Variants in PSD3 observed in about 807,000 individuals in gnomAD.
The protein encoded by PSD3 is pleckstrin and Sec7 domain containing 3.
In PSD3, 49 loss-of-function variants were observed where a neutral mutation model predicts 105.5. The observed-to-expected ratio is 0.46, with a 90% CI of 0.37 to 0.59. PSD3 has a LOEUF of 0.59. Ranked by LOEUF, PSD3 falls within the 20% of genes least tolerant of loss-of-function variation. The pLI is 0.00. For missense variants in PSD3, 1,561 were observed against 1,263.8 expected (o/e 1.24, Z -3.57); for synonymous variants, 557 against 457.8 (o/e 1.22, Z -2.77).
intron 1 of PSD3, among the ~76,000 whole-genome samples, chr8:19,081,118 C>T (rs1316625626): frequency 1.3e-5 from 2 of 152,228 alleles, no homozygotes; most frequent in East Asian, 3.9e-4. Context: ...AGGCTCTGGT[C>T]CCGGCCCATA....
chr8:19,057,248 T>C lies in PSD3; in HGVS notation c.324+26958A>G, dbSNP rs1586675942. On this transcript the variant is annotated intron_variant, in intron 1 of 1. Coordinates refer to the PSD3 transcript ENST00000521475. ...TGAACAAGAAATTTCTCTACTCTTG[T>C]TCATAACCACTCTCGTTCACTCCAA... Among the ~76,000 whole-genome samples, 4 of 152,180 alleles carry C rather than the reference T, an allele frequency of 2.6e-5. No individual in the cohort carries two copies. In the East Asian group the frequency reaches 5.8e-4, roughly 22 times the overall value.
chr8:18,802,455 C>G, intron 6 of PSD3: 1 of 257,408 alleles, frequency 3.9e-6, no homozygotes, highest in East Asian at 8.4e-5. Flanking sequence ...GAAAATTTTG[C>G]CTTCTTCCTT....
At chr8:18,847,885 A>G (rs1427659169) in intron 4 of PSD3, among the ~76,000 whole-genome samples, 1 of 152,226 alleles carries the variant, frequency 6.6e-6, no homozygotes, top group Non-Finnish European at 1.5e-5. Context: ...ATGGCTAGTG[A>G]GAATCAGCAA....
chr8:18,818,334 T>C (rs1812395601), intron 4 of PSD3, among the ~76,000 whole-genome samples: 1 of 151,902 alleles, frequency 6.6e-6, no homozygotes, highest in Non-Finnish European at 1.5e-5. Context: ...TCATTTATTA[T>C]ATTTTAAAGT....
At chr8:18,888,238 C>G (rs966111041) in intron 2 of PSD3, among the ~76,000 whole-genome samples, 3 of 152,160 alleles carry the variant, frequency 2.0e-5, no homozygotes, top group Admixed American at 2.0e-4. Flanking sequence ...AGAGACAGCA[C>G]CAGGGTAGTG....
At chr8:18,687,714 C>T (rs981393889) in intron 9 of PSD3, among the ~76,000 whole-genome samples, 11 of 152,078 alleles carry the variant, frequency 7.2e-5, no homozygotes, top group East Asian at 3.9e-4. Flanking sequence ...TGTGTGTGTG[C>T]GCTTGCCCAT....
At chr8:18,627,441 A>G (rs542884199) in intron 11 of PSD3, among the ~76,000 whole-genome samples, 1 of 152,170 alleles carries the variant, frequency 6.6e-6, no homozygotes, top group African/African-American at 2.4e-5. Flanking sequence ...AAGGCATGGG[A>G]AAAATAAAGT....
chr8:18,995,878 C>T (rs370662029), intron 1 of PSD3, among the ~76,000 whole-genome samples: 4 of 152,038 alleles, frequency 2.6e-5, no homozygotes, highest in South Asian at 2.1e-4. Flanking sequence ...TCCCATGACA[C>T]GTGGGGATTA....
chr8:18,558,790 CAGTCTGGGTGACAGAGCAAG>C (rs2130174027), intron 14 of PSD3, among the ~76,000 whole-genome samples: 2 of 152,262 alleles, frequency 1.3e-5, no homozygotes, highest in Admixed American at 1.3e-4. Flanking sequence ...CACTGCACTC[CAGTCTGGGTGACAGAGCAAG>C]ACTCCATCTC....
chr8:19,014,266 G>C (rs1035296453), upstream of PSD3: 8 of 152,156 alleles, frequency 5.3e-5, no homozygotes, highest in African/African-American at 1.9e-4. This position sits in a 1 kb window ranked among gnomAD's most constrained non-coding sequence, Gnocchi z 4.9. Context: ...GGCTCCCCCG[G>C]CACCGATCCG....
intron 9 of PSD3, among the ~76,000 whole-genome samples, chr8:18,692,361 T>C (rs1210520575): frequency 1.3e-5 from 2 of 152,106 alleles, no homozygotes; most frequent in Non-Finnish European, 2.9e-5. Flanking sequence ...GTACTGCAGC[T>C]CTGGAAGTCT....
intron 1 of PSD3, among the ~76,000 whole-genome samples, chr8:19,053,842 C>T (rs557972925): frequency 1.2e-4 from 19 of 152,162 alleles, no homozygotes; most frequent in African/African-American, 2.4e-4. Context: ...GAAAAGTGCC[C>T]GGAAGAGAAG....
intron 10 of PSD3, among the ~76,000 whole-genome samples, chr8:18,634,664 T>C (rs901594567): frequency 9.2e-5 from 14 of 152,160 alleles, no homozygotes; most frequent in Non-Finnish European, 2.9e-5. Flanking sequence ...TATTGGTCAG[T>C]TATCTTGTAG....
intron 2 of PSD3, among the ~76,000 whole-genome samples, chr8:18,887,576 A>C (rs1818522527): frequency 6.6e-6 from 1 of 152,246 alleles, no homozygotes. Flanking sequence ...AAGTAGCAGA[A>C]GATGAGTAAG....
At chr8:18,632,905 G>A (rs891778907) in intron 10 of PSD3, 99 bp from the exon 11 acceptor site, 20 of 941,604 alleles carry the variant, frequency 2.1e-5, no homozygotes, top group African/African-American at 1.8e-4. Flanking sequence ...TTCCAATGGT[G>A]TATCACTTTT....
At chr8:18,611,762 G>A (rs1805283881) in intron 11 of PSD3, among the ~76,000 whole-genome samples, 1 of 137,758 alleles carries the variant, frequency 7.3e-6, no homozygotes, top group Admixed American at 7.1e-5. Flanking sequence ...GTGATTAAGG[G>A]ACCTGGATGG....
intron 1 of PSD3, among the ~76,000 whole-genome samples, chr8:18,987,705 GCTACA>G (rs1825579369): frequency 6.6e-6 from 1 of 152,096 alleles, no homozygotes. Flanking sequence ...TATAGTCCTA[GCTACA>G]TAGGAGGCTG....
At chr8:18,791,179 T>C (rs528478291) in intron 8 of PSD3, among the ~76,000 whole-genome samples, 15 of 152,186 alleles carry the variant, frequency 9.9e-5, no homozygotes, top group Non-Finnish European at 2.2e-4. Flanking sequence ...TTCAATGCTA[T>C]CCCCATTAAA....
intron 2 of PSD3, among the ~76,000 whole-genome samples, chr8:18,907,795 A>G (rs1013631431): frequency 6.6e-6 from 1 of 152,234 alleles, no homozygotes; most frequent in Non-Finnish European, 1.5e-5. Flanking sequence ...ATACAACAAC[A>G]GACAAATAAC....
Sources: allele counts gnomAD v4.1 joint callset (sites outside exome capture counted in the v4.1 genomes callset), GRCh38; gene constraint gnomAD v4.1.1; non-coding constraint Gnocchi (gnomAD v3.1); transcripts MANE v1.5; gene names NCBI Gene and HGNC (gene_info 2026-07-23, HGNC 2026-07-21).